Variants in MAP4 observed in about 807,000 individuals in gnomAD.
MAP4 encodes the protein microtubule-associated protein 4.
In MAP4, 76 loss-of-function variants were observed where a neutral mutation model predicts 170.2. The observed-to-expected ratio is 0.45, with a 90% CI of 0.37 to 0.54. The LOEUF (loss-of-function observed/expected upper bound fraction) is 0.54. Among genes scored for constraint, MAP4 ranks in the 20% least tolerant of loss-of-function variants. The pLI, the probability that MAP4 is intolerant of heterozygous loss-of-function variation, is 0.00. For synonymous variants in MAP4, 909 were observed against 994.5 expected (o/e 0.91, Z 1.62); for missense variants, 2,506 against 2,748.0 (o/e 0.91, Z 1.97).
chr3:47,930,753 CCTGT>C, intron 3 of MAP4, among the ~76,000 whole-genome samples: 1 of 151,452 alleles, frequency 6.6e-6, no homozygotes, highest in Non-Finnish European at 1.5e-5. Flanking sequence ...ACAGTGAAAC[CCTGT>C]CTACTACAAA....
intron 3 of MAP4, among the ~76,000 whole-genome samples, chr3:47,951,385 T>C (rs1290251900): frequency 1.1e-4 from 17 of 152,116 alleles, no homozygotes; most frequent in Admixed American, 1.1e-3. Flanking sequence ...TTCCACGGTC[T>C]CCCTCTGATG....
At chr3:47,991,511 T>C (rs1269972463) in intron 2 of MAP4, among the ~76,000 whole-genome samples, 4 of 151,900 alleles carry the variant, frequency 2.6e-5, no homozygotes, top group African/African-American at 9.7e-5. Flanking sequence ...GCTATAAAAA[T>C]AAAAGGATAA....
chr3:47,975,171 A>G, intron 3 of MAP4: 1 of 1,202,878 alleles, frequency 8.3e-7, no homozygotes. Context: ...AAAAGACATT[A>G]GATAACCTTT....
At chr3:48,025,855 G>A (rs1468435742) in intron 1 of MAP4, among the ~76,000 whole-genome samples, 4 of 150,398 alleles carry the variant, frequency 2.7e-5, no homozygotes, top group Non-Finnish European at 4.4e-5. Flanking sequence ...AGCCGAGATC[G>A]TACCACTGCA....
At chr3:48,070,874 G>A (rs2100140649) in intron 1 of MAP4, among the ~76,000 whole-genome samples, 1 of 150,822 alleles carries the variant, frequency 6.6e-6, no homozygotes, top group South Asian at 2.1e-4. Flanking sequence ...ACTTAGCCAG[G>A]TCCAGGTCCA....
chr3:48,031,469 T>C (rs2100116067), intron 1 of MAP4, among the ~76,000 whole-genome samples: 1 of 152,106 alleles, frequency 6.6e-6, no homozygotes, highest in South Asian at 2.1e-4. Context: ...GAGAATCACT[T>C]GAACCCAGGA....
intron 1 of MAP4, among the ~76,000 whole-genome samples, chr3:48,069,113 G>A (rs1426698842): frequency 6.6e-6 from 1 of 152,140 alleles, no homozygotes; most frequent in Non-Finnish European, 1.5e-5. Flanking sequence ...TTAGGAGAAG[G>A]CAGAATTATT....
At chr3:47,975,370 G>C in intron 3 of MAP4, 1 of 1,550,838 alleles carries the variant, frequency 6.4e-7, no homozygotes, top group Non-Finnish European at 8.7e-7. Context: ...GCAAAGCTCT[G>C]CAAAATGCTG....
intron 1 of MAP4, among the ~76,000 whole-genome samples, chr3:48,035,219 C>T (rs929840261): frequency 6.8e-6 from 1 of 146,618 alleles, no homozygotes; most frequent in Non-Finnish European, 1.5e-5. Flanking sequence ...GGATTTCTCT[C>T]CAATAAGACC....
Position 47,852,857 on chromosome 3 carries a change from G to C in MAP4, c.*77C>G. ...CCCGAGTTGGGGCCGCCAGGGAAGTGTGGGGGGCGGGAGACAATGTCGGCC... is the reference window on the plus strand; with the variant it reads ...CCCGAGTTGGGGCCGCCAGGGAAGTCTGGGGGGCGGGAGACAATGTCGGCC... On this transcript the variant is annotated 3_prime_UTR_variant, in exon 21 of 21. Coordinates refer to ENST00000683076, the MANE Select transcript of MAP4 (RefSeq NM_001385682.1). 6.4e-7 allele frequency: 1 copy of C among 1,564,900 alleles called. No homozygotes were observed. The highest frequency in any genetic ancestry group is 8.7e-7 in the Non-Finnish European group (1 of 1,154,624).
intron 1 of MAP4, among the ~76,000 whole-genome samples, chr3:48,014,344 T>C (rs1024515814): frequency 2.6e-5 from 4 of 152,168 alleles, no homozygotes; most frequent in South Asian, 2.1e-4. Context: ...TGATGAGAAA[T>C]TGGCAATCTG....
intron 5 of MAP4, among the ~76,000 whole-genome samples, chr3:47,920,536 C>T (rs916072097): frequency 6.8e-6 from 1 of 147,074 alleles, no homozygotes; most frequent in Non-Finnish European, 1.5e-5. Flanking sequence ...TGCCACTGCA[C>T]CCAGATGGTT....
chr3:48,064,697 A>G (rs2100137530), intron 1 of MAP4, among the ~76,000 whole-genome samples: 1 of 152,134 alleles, frequency 6.6e-6, no homozygotes, highest in Non-Finnish European at 1.5e-5. Context: ...TGACTTCATC[A>G]TTGTGCAACT....
chr3:47,857,576 C>T lies in MAP4; in HGVS notation c.6502-64G>A, dbSNP rs576919176. 4,580 of 1,099,174 alleles carry T rather than the reference C, an allele frequency of 4.2e-3. 39 individuals are homozygous for T. The highest frequency in any genetic ancestry group is 0.014 in the East Asian group (575 of 41,948). 68.1% of individuals were successfully genotyped at this position (1,099,174 alleles called of 1,614,324 possible). On this transcript the variant is annotated intron_variant, in intron 17 of 20. Transcript: ENST00000683076. Reference sequence around the variant, plus strand: ...GTATACTGTCAGAGCCAACCCCATGCTACCTTTTAAATCTTCTCCATGTTC... The same window carrying T: ...GTATACTGTCAGAGCCAACCCCATGTTACCTTTTAAATCTTCTCCATGTTC...
intron 2 of MAP4, among the ~76,000 whole-genome samples, chr3:47,996,222 T>C (rs2100095515): frequency 6.6e-6 from 1 of 151,882 alleles, no homozygotes; most frequent in Admixed American, 6.6e-5. Context: ...AGGGAAAGAG[T>C]AATAGAAACA....
At chr3:48,006,355 A>C (rs2100102314) in intron 1 of MAP4, among the ~76,000 whole-genome samples, 2 of 152,194 alleles carry the variant, frequency 1.3e-5, no homozygotes, top group Non-Finnish European at 2.9e-5. Flanking sequence ...CTCTGGGCTG[A>C]TGATGACTCC....
chr3:47,910,401 T>C lies in MAP4; in HGVS notation c.4020A>G (p.Val1340=), dbSNP rs1577435745. The change falls in exon 9 of 21, where the codon GTA becomes GTG. Residue 1340 remains valine (V), a synonymous_variant. Coordinates refer to ENST00000683076, the MANE Select transcript of MAP4 (RefSeq NM_001385682.1). ...IQGAGFVPSV[V]SEENKTDAAN... ...CTGCATCTGTCTTATTCTCCTCAGA[T>C]ACTACTGAAGGAACAAATCCTGCCC... The C allele has an allele frequency of 1.3e-6, 2 of 1,536,794 alleles. No individual in the cohort carries two copies. The highest frequency in any genetic ancestry group is 1.7e-6 in the Non-Finnish European group (2 of 1,146,926).
intron 1 of MAP4, among the ~76,000 whole-genome samples, chr3:48,013,670 A>G (rs2100106449): frequency 6.6e-6 from 1 of 151,190 alleles, no homozygotes; most frequent in Non-Finnish European, 1.5e-5. Flanking sequence ...ATTATTTCAT[A>G]TATCAAGTAT....
At chr3:48,011,684 C>G (rs1433994754) in intron 1 of MAP4, among the ~76,000 whole-genome samples, 1 of 152,082 alleles carries the variant, frequency 6.6e-6, no homozygotes, top group Non-Finnish European at 1.5e-5. Context: ...ATTGTAACTC[C>G]AGATCATGAC....
Sources: allele counts gnomAD v4.1 joint callset (sites outside exome capture counted in the v4.1 genomes callset), GRCh38; gene constraint gnomAD v4.1.1; transcripts MANE v1.5; gene names NCBI Gene and HGNC (gene_info 2026-07-23, HGNC 2026-07-21).